The following TTN variants were observed in gnomAD, a reference collection of about 807,000 sequenced individuals.
TTN encodes titin.
TTN carries 1,525 observed loss-of-function variants against 3,223.0 expected under a neutral mutation model. The observed-to-expected ratio is 0.47, with a 90% confidence interval of 0.45 to 0.49. The LOEUF (loss-of-function observed/expected upper bound fraction) is 0.49. TTN is among the 20% of genes least tolerant of loss of function. TTN has a pLI of 0.00. For synonymous variants in TTN, 14,094 were observed against 15,161.0 expected (o/e 0.93, Z 5.17); for missense variants, 40,786 against 43,424.0 (o/e 0.94, Z 5.40).
intron 24 of TTN, chr2:178,778,542 T>G (rs555582200): frequency 8.4e-6 from 3 of 356,704 alleles, no homozygotes; most frequent in South Asian, 7.8e-5. Context: ...AGGGCCTCAG[T>G]GTTCCTATTT....
rs1345180729 is a variant in TTN, at chr2:178,717,967, A to G, written c.25039T>C (p.Ser8347Pro). Residue 8347 changes from serine (S) to proline (P), a missense_variant, in exon 86 of 363, where the codon TCT becomes CCT. Physicochemically the swap from Ser to Pro is moderately conservative, Grantham distance 74. Transcript: ENST00000589042. ...KADNSVGAVASSAVLVIKARK... is the reference protein window; with the variant it reads ...KADNSVGAVAPSAVLVIKARK... ...CCTTTGATAACAAGCACAGCTGAAG[A>G]AGCGACTGCCCCCACACTGTTGTCT... 6.2e-7 allele frequency: 1 copy of G among 1,612,750 alleles called. No individual in the cohort carries two copies. The highest frequency in any genetic ancestry group is 2.2e-5 in the East Asian group (1 of 44,854).
At chr2:178,693,079 T>A (rs1161809563) in intron 119 of TTN, among the ~76,000 whole-genome samples, 1 of 152,066 alleles carries the variant, frequency 6.6e-6, no homozygotes, top group East Asian at 1.9e-4. Context: ...GATGTCATTG[T>A]CCTGGAGTTG....
chr2:178,776,337 T>C lies in TTN; in HGVS notation c.5527A>G (p.Ile1843Val). The C allele has an allele frequency of 3.1e-6, 5 of 1,613,934 alleles. No individual in the cohort carries two copies. The highest frequency in any genetic ancestry group is 4.2e-6 in the Non-Finnish European group (5 of 1,179,992). Reference protein sequence around the residue: ...TDQKEKQKPDIVLYPEPVRVL... With the variant: ...TDQKEKQKPDVVLYPEPVRVL... ...CTAACTGGCTCTGGGTACAAGACAA[T>C]GTCTGGCTTTTGCTTTTCTTTCTGA... Residue 1843 changes from isoleucine (I) to valine (V), a missense_variant, in exon 28 of 363, where the codon ATT (isoleucine) becomes GTT (valine). Transcript: ENST00000589042.
In TTN at chr2:178,584,500, T is replaced by C. The variant is rs1305056270; in HGVS notation, c.65051A>G (p.Asp21684Gly). Residue 21684 changes from aspartate (D) to glycine (G), a missense_variant, in exon 311 of 363, where the codon GAT (aspartate) becomes GGT (glycine). Asp to Gly is a moderately conservative substitution (Grantham distance 94). Transcript: ENST00000589042. ...DCIFVAWDRP[D>G]SDGGSPIIGY... Reference sequence around the variant, plus strand: ...AATAATGGGGCTCCCTCCATCACTATCTGGTCTGTCCCAAGCAACAAAAAT... The same window carrying C: ...AATAATGGGGCTCCCTCCATCACTACCTGGTCTGTCCCAAGCAACAAAAAT... 5.0e-6 allele frequency: 8 copies of C among 1,613,266 alleles called. No individual in the cohort carries two copies. In the East Asian group the frequency reaches 1.8e-4, roughly 36 times the overall value.
At chr2:178,751,146 A>G (rs144209883) in intron 47 of TTN, 1 of 1,612,598 alleles carries the variant, frequency 6.2e-7, no homozygotes, top group African/African-American at 1.3e-5. Context: ...TCAGACATAG[A>G]TCTGATTTTC....
In TTN at chr2:178,652,710, G is replaced by A. The variant is rs1434343212; in HGVS notation, c.38986C>T (p.Pro12996Ser). ...KVPEAPKEVV[P>S]EKKVPSAPPK... ...GGAGCCGAGGGCACTTTCTTTTCAG[G>A]AACAACCTCTTTGGGAGCCTCTGGT... Residue 12996 changes from proline (P) to serine (S), a missense_variant, in exon 201 of 363, where the codon CCT becomes TCT. By Grantham distance (74) the Pro-to-Ser change is moderately conservative. Coordinates refer to ENST00000589042, the MANE Select transcript of TTN (RefSeq NM_001267550.2). The A allele has an allele frequency of 1.2e-6, 2 of 1,613,300 alleles. No individual in the cohort carries two copies. Among genetic ancestry groups the A allele is most frequent in the South Asian group, 2.2e-5 (2 of 91,046 alleles).
rs2154201818 is a variant in TTN, at chr2:178,614,742, T to C, written c.48772A>G (p.Ile16258Val). 1.2e-6 allele frequency: 2 copies of C among 1,606,924 alleles called. No individual in the cohort carries two copies. The highest frequency in any genetic ancestry group is 1.7e-6 in the Non-Finnish European group (2 of 1,176,522). The change falls in exon 261 of 363, where the codon ATC (isoleucine) becomes GTC (valine). Residue 16258 changes from isoleucine to valine, a missense_variant. Physicochemically the swap from Ile to Val is conservative, Grantham distance 29 (BLOSUM62 3). Transcript: ENST00000589042. ...QAVDTQEAPE[I>V]FLDVKLLAGL... ...GCAAGGAGCTTCACATCGAGGAAGA[T>C]TTCTGGGGCCTCTGAATTGGAAAAG...
intron 93 of TTN, 22 bp downstream of exon 93, chr2:178,713,063 T>C (rs2076895671): frequency 1.2e-6 from 2 of 1,608,476 alleles, no homozygotes; most frequent in Non-Finnish European, 1.7e-6. Flanking sequence ...ATGCAATTCA[T>C]TTTACTGTTT....
rs2060164355 is a variant in TTN, at chr2:178,634,379, C to G, written c.42402G>C (p.Arg14134=). The change falls in exon 230 of 363, where the codon CGG becomes CGC. Residue 14134 remains arginine, a synonymous_variant. Transcript: ENST00000589042. This position sits in a 1 kb window ranked among gnomAD's most constrained non-coding sequence, Gnocchi z 4.6. ...AEVEGKKTSA[R]LFVTGIRLKF... Reference sequence around the variant, plus strand: ...TAGCTCGCTTACCTGTGACAAACAACCGAGCTGAGGTCTTCTTGCCCTCCA... The same window carrying G: ...TAGCTCGCTTACCTGTGACAAACAAGCGAGCTGAGGTCTTCTTGCCCTCCA... The G allele has an allele frequency of 6.2e-7, 1 of 1,605,794 alleles. No homozygotes were observed. The highest frequency in any genetic ancestry group is 1.3e-5 in the African/African-American group (1 of 74,122).
At chr2:178,615,868 G>A in intron 257 of TTN, 80 bp from the exon 258 acceptor site, 1 of 1,436,218 alleles carries the variant, frequency 7.0e-7, no homozygotes, top group Non-Finnish European at 9.3e-7. Context: ...CATGACCAGG[G>A]ATACAAACTG....
Position 178,576,030 on chromosome 2 carries a change from T to C in TTN, c.70102A>G (p.Ile23368Val), listed in dbSNP as rs367914610. The C allele has an allele frequency of 9.0e-5, 145 of 1,613,202 alleles. No homozygotes were observed. In the Middle Eastern group the frequency reaches 1.8e-3, roughly 20 times the overall value. Residue 23368 changes from isoleucine to valine, a missense_variant, in exon 326 of 363, where the codon ATT (isoleucine) becomes GTT (valine). Transcript: ENST00000589042. The surrounding 1 kb of genome is among the most constrained non-coding windows in gnomAD (Gnocchi z 4.3). Reference sequence around the variant, plus strand: ...ACTTCAGGAGCAGGACGACCTTTAATTGGCACAAATATCCTAATACTGAGT... The same window carrying C: ...ACTTCAGGAGCAGGACGACCTTTAACTGGCACAAATATCCTAATACTGAGT... ...AGLSIRIFVP[I>V]KGRPAPEVTW...
rs2154208656 is a variant in TTN at position 178,617,344 on chromosome 2, A to C, written c.47741T>G (p.Val15914Gly). The change falls in exon 254 of 363, where the codon GTC (valine) becomes GGC (glycine). Residue 15914 changes from valine to glycine, a missense_variant. Transcript: ENST00000589042. ...ACCTACCTTGTAAGTCAGTTCAGGG[A>C]CAAGTTTCATATTGCAACGAATCCA... ...DNWIRCNMKL[V>G]PELTYKVTGL... 1.3e-6 allele frequency: 2 copies of C among 1,581,810 alleles called. No homozygotes were observed. The highest frequency in any genetic ancestry group is 1.2e-5 in the South Asian group (1 of 84,400).
rs1179860102 is a variant in TTN, at chr2:178,611,392, A to G, written c.50837T>C (p.Val16946Ala). 4 of 1,612,736 alleles carry G rather than the reference A, an allele frequency of 2.5e-6. No homozygotes were observed. The highest frequency in any genetic ancestry group is 3.4e-6 in the Non-Finnish European group (4 of 1,179,312). ...CTTACAGTCTGGGTCTTTGGCAACC[A>G]CATTTTCAGAGATTTCAGATGGCTC... The part of the protein sequence containing the change: ...VSEPSEISEN[V>A]VAKDPDCKPT... Residue 16946 changes from valine (V) to alanine (A), a missense_variant, in exon 269 of 363, where the codon GTG becomes GCG. Coordinates refer to ENST00000589042, the MANE Select transcript of TTN (RefSeq NM_001267550.2).
intron 47 of TTN, 122 bp downstream of exon 47, chr2:178,753,002 G>A (rs1027447587): frequency 2.8e-6 from 2 of 723,242 alleles, no homozygotes; most frequent in Non-Finnish European, 4.7e-6. Flanking sequence ...TATACTCTAA[G>A]AGATATATTT....
In TTN at chr2:178,530,980, GCTT is replaced by G. The variant is rs1325672338; in HGVS notation, c.105632_105634del (p.Glu35211del). On this transcript the variant is annotated inframe_deletion, in exon 358 of 363. Coordinates refer to ENST00000589042, the MANE Select transcript of TTN (RefSeq NM_001267550.2). ...CTTTTGAATAGTCAGAGTGAACTCTGCTTCTTGTTTCCCTTCACTGTTTTCTAC... is the reference window on the plus strand; with the variant it reads ...CTTTTGAATAGTCAGAGTGAACTCTGCTTGTTTCCCTTCACTGTTTTCTAC... 3 of 1,613,838 alleles carry G rather than the reference GCTT, an allele frequency of 1.9e-6. No individual in the cohort carries two copies. The African/African-American group carries it at 4.0e-5, about 22-fold the overall frequency.
rs1479084461 is a variant in TTN at position 178,732,594 on chromosome 2, C to T, written c.16467G>A (p.Glu5489=). ...LTIRWFKGNK[E]LVSGGSCYIT... ...TATAGCAGCTTCCACCAGAAACCAG[C>T]TCTTTGTTGCCCTTAAACCATCTGA... Residue 5489 remains glutamate, a synonymous_variant, in exon 56 of 363, where the codon GAG becomes GAA. Coordinates refer to ENST00000589042, the MANE Select transcript of TTN (RefSeq NM_001267550.2). 5 of 1,613,558 alleles carry T rather than the reference C, an allele frequency of 3.1e-6. No individual in the cohort carries two copies. In the African/African-American group the frequency reaches 4.0e-5, roughly 13 times the overall value.
chr2:178,585,368 T>C, intron 308 of TTN, 21 bp from the exon 309 acceptor site: 1 of 1,544,314 alleles, frequency 6.5e-7, no homozygotes, highest in Non-Finnish European at 8.7e-7. Flanking sequence ...AATGAAAAGA[T>C]ATTAATTTTG....
rs1156595131 is a variant in TTN, at chr2:178,636,795, T to A, written c.40932A>T (p.Val13644=). Residue 13644 remains valine, a synonymous_variant, in exon 225 of 363, where the codon GTA becomes GTT. Coordinates refer to ENST00000589042, the MANE Select transcript of TTN (RefSeq NM_001267550.2). The surrounding 1 kb of genome is among the most constrained non-coding windows in gnomAD (Gnocchi z 4.3). ...CTATTGGTGAAGGAGTCTTTTTGGG[T>A]ACACCTAATTCAAAGTAAAATAAAA... ...AAKPKGPIKG[V]PKKTPSPIEA... The A allele has an allele frequency of 6.3e-7, 1 of 1,581,404 alleles. No homozygotes were observed. Among genetic ancestry groups the A allele is most frequent in the South Asian group, 1.2e-5 (1 of 85,240 alleles).
At position 178,723,290 on chromosome 2, in the gene TTN, A is replaced by G. The variant is rs912862413; in HGVS notation, c.21717T>C (p.His7239=). Residue 7239 remains histidine (H), a synonymous_variant, in exon 75 of 363, where the codon CAT becomes CAC. Transcript: ENST00000589042. ...PAAFLKRLSD[H]SVEPGKSIIL... is the part of the protein sequence containing the mutation. ...TTATGGACTTCCCTGGTTCTACAGA[A>G]TGATCACTTAATCTCTTCAAAAATG... 3.1e-6 allele frequency: 5 copies of G among 1,613,302 alleles called. No homozygotes were observed. Among genetic ancestry groups the G allele is most frequent in the Non-Finnish European group, 4.2e-6 (5 of 1,179,616 alleles).
Sources: gnomAD v4.1 joint callset for allele counts (sites outside exome capture counted in the v4.1 genomes callset) on GRCh38, gnomAD v4.1.1 for gene constraint, Gnocchi (gnomAD v3.1) non-coding constraint, MANE v1.5 for transcripts, NCBI Gene and HGNC (gene_info 2026-07-23, HGNC 2026-07-21) for gene names.